The following RNF43 variants were observed in gnomAD, a reference collection of about 807,000 sequenced individuals.
RNF43 encodes the protein ring finger protein 43.
A neutral mutation model predicts 78.4 loss-of-function variants in RNF43; 37 were observed. The observed-to-expected ratio is 0.47, with a 90% CI of 0.36 to 0.62. The LOEUF (loss-of-function observed/expected upper bound fraction) is 0.62, where lower values mean the gene tolerates loss of function less well. Among genes scored for constraint, RNF43 ranks in the 20% least tolerant of loss-of-function variants. The pLI is 0.00. For synonymous variants in RNF43, 347 were observed against 395.0 expected (o/e 0.88, Z 1.44); for missense variants, 774 against 1,007.9 (o/e 0.77, Z 3.14).
At chr17:58,390,911 C>T (rs1973541446) in intron 2 of RNF43, among the ~76,000 whole-genome samples, 1 of 152,210 alleles carries the variant, frequency 6.6e-6, no homozygotes, top group Admixed American at 6.5e-5. Flanking sequence ...TGTTCTTTCT[C>T]ATTGTAAACT....
intron 2 of RNF43, among the ~76,000 whole-genome samples, chr17:58,373,377 A>G (rs1390170684): frequency 6.6e-6 from 1 of 152,212 alleles, no homozygotes; most frequent in Non-Finnish European, 1.5e-5. Flanking sequence ...ACCTGGTATG[A>G]GCCACCAAAC....
At chr17:58,363,119 A>T (rs1289708223) in intron 5 of RNF43, 156 bp downstream of exon 5, 1 of 888,806 alleles carries the variant, frequency 1.1e-6, no homozygotes, top group Non-Finnish European at 1.7e-6. Flanking sequence ...GACGGGGGAA[A>T]ACTTGCCCAG....
Position 58,357,581 on chromosome 17 carries a change from CGAG to C in RNF43, c.2192_2194del (p.Pro731del). ...AGGTGGATGTGGTTCCAGGGGCTGG[CGAG>C]GAGTCAGGCACAACCACACTGGCTG... On this transcript the variant is annotated inframe_deletion, in exon 9 of 10. Transcript: ENST00000407977. This position sits in a 1 kb window ranked among gnomAD's most constrained non-coding sequence, Gnocchi z 4.5. 6.2e-7 allele frequency: 1 copy of C among 1,614,190 alleles called. No individual in the cohort carries two copies. The highest frequency in any genetic ancestry group is 8.5e-7 in the Non-Finnish European group (1 of 1,180,024).
At chr17:58,370,771 G>T in intron 3 of RNF43, 140 bp downstream of exon 3, 1 of 972,840 alleles carries the variant, frequency 1.0e-6, no homozygotes, top group Non-Finnish European at 1.4e-6. Context: ...ACTTCTCTCA[G>T]ACCAGTCATG....
chr17:58,392,937 T>G (rs2143609753), intron 2 of RNF43, among the ~76,000 whole-genome samples: 1 of 152,334 alleles, frequency 6.6e-6, no homozygotes, highest in Middle Eastern at 3.4e-3. Context: ...GGAGATACAT[T>G]TGACATTACA....
intron 2 of RNF43, among the ~76,000 whole-genome samples, chr17:58,392,607 T>C (rs1293698739): frequency 6.6e-6 from 1 of 152,182 alleles, no homozygotes; most frequent in Non-Finnish European, 1.5e-5. Context: ...GTCTTCAAAA[T>C]CTAGACAGGG....
At chr17:58,368,074 C>A (rs1167816731) in intron 3 of RNF43, among the ~76,000 whole-genome samples, 1 of 152,202 alleles carries the variant, frequency 6.6e-6, no homozygotes, top group Non-Finnish European at 1.5e-5. Flanking sequence ...AGGAGTCAGG[C>A]TGCAAGCCCA....
intron 2 of RNF43, among the ~76,000 whole-genome samples, chr17:58,401,756 C>T (rs1973804332): frequency 1.3e-5 from 2 of 151,780 alleles, no homozygotes; most frequent in Non-Finnish European, 1.5e-5. Context: ...AATTCAATTC[C>T]CTATTCCCCT....
chr17:58,411,524 A>G (rs145189493), intron 2 of RNF43, among the ~76,000 whole-genome samples: 13 of 152,226 alleles, frequency 8.5e-5, no homozygotes, highest in African/African-American at 3.1e-4. Context: ...GGAGGTGCTC[A>G]CTGCTACTGG....
In RNF43 at chr17:58,363,346, T is replaced by C. The variant is rs754183734; in HGVS notation, c.511A>G (p.Lys171Glu). ...TTCTTGTACACAAACTCCATCAGCT[T>C]CTCAGCGTCATTACCCCAGATCAAC... Reference protein sequence around the residue: ...VVLIWGNDAEKLMEFVYKNQK... With the variant: ...VVLIWGNDAEELMEFVYKNQK... The change falls in exon 5 of 10, where the codon AAG becomes GAG. Residue 171 changes from lysine (K) to glutamate (E), a missense_variant. Coordinates refer to ENST00000407977, the MANE Select transcript of RNF43 (RefSeq NM_017763.6). 6.2e-7 allele frequency: 1 copy of C among 1,613,594 alleles called. No individual in the cohort carries two copies. Among genetic ancestry groups the C allele is most frequent in the Non-Finnish European group, 8.5e-7 (1 of 1,179,856 alleles).
At chr17:58,361,215 G>C (rs2143450889) in intron 6 of RNF43, among the ~76,000 whole-genome samples, 1 of 152,240 alleles carries the variant, frequency 6.6e-6, no homozygotes, top group Middle Eastern at 3.4e-3. Context: ...TTTCAACTTG[G>C]ATATCTAATA....
intron 2 of RNF43, among the ~76,000 whole-genome samples, chr17:58,372,703 G>A (rs1973125135): frequency 6.6e-6 from 1 of 152,176 alleles, no homozygotes; most frequent in African/African-American, 2.4e-5. Flanking sequence ...GCCTATGGGA[G>A]GGCACAAAGA....
chr17:58,396,442 G>T (rs1479183934), intron 2 of RNF43, among the ~76,000 whole-genome samples: 2 of 152,218 alleles, frequency 1.3e-5, no homozygotes, highest in Admixed American at 6.5e-5. Flanking sequence ...CAGAGGGAAA[G>T]AAGTCAGTCT....
rs992893180 is a variant in RNF43, at chr17:58,415,311, TAA to T, written c.252+13_252+14del. On this transcript the variant is annotated intron_variant, in intron 2 of 9. Coordinates refer to ENST00000407977, the MANE Select transcript of RNF43 (RefSeq NM_017763.6). ...CAAACAGATGGAAAGTGAAATATAA[TAA>T]AGTTATACTTGCCTGCATTAATTTT... 10 of 1,613,692 alleles carry T rather than the reference TAA, an allele frequency of 6.2e-6. No individual in the cohort carries two copies. The African/African-American group carries it at 1.3e-4, about 22-fold the overall frequency.
chr17:58,355,030 G>A, intron 9 of RNF43, 44 bp from the exon 10 acceptor site: 1 of 1,551,910 alleles, frequency 6.4e-7, no homozygotes, highest in Non-Finnish European at 8.9e-7. Context: ...TGAGGGTCAG[G>A]CCAGGGACCT....
chr17:58,374,954 A>G (rs543598230), intron 2 of RNF43, among the ~76,000 whole-genome samples: 1 of 152,196 alleles, frequency 6.6e-6, no homozygotes, highest in South Asian at 2.1e-4. Context: ...TCATCCATCT[A>G]TTACCCAAGC....
rs2143397712 is a variant in RNF43, at chr17:58,357,914, T to A, written c.1862A>T (p.Glu621Val). Residue 621 changes from glutamate to valine, a missense_variant, in exon 9 of 10, where the codon GAG becomes GTG. Glu to Val is a moderately radical substitution (Grantham distance 121). Coordinates refer to ENST00000407977, the MANE Select transcript of RNF43 (RefSeq NM_017763.6). This position sits in a 1 kb window ranked among gnomAD's most constrained non-coding sequence, Gnocchi z 4.5. Reference protein sequence around the residue: ...SNPQCPRALPEPAPGPVDASS... With the variant: ...SNPQCPRALPVPAPGPVDASS... Reference sequence around the variant, plus strand: ...GGCGTCAACTGGGCCAGGGGCTGGCTCAGGGAGGGCCCTGGGGCACTGTGG... The same window carrying A: ...GGCGTCAACTGGGCCAGGGGCTGGCACAGGGAGGGCCCTGGGGCACTGTGG... The A allele has an allele frequency of 6.8e-6, 11 of 1,613,612 alleles. No homozygotes were observed. The highest frequency in any genetic ancestry group is 9.3e-6 in the Non-Finnish European group (11 of 1,179,802).
intron 2 of RNF43, among the ~76,000 whole-genome samples, chr17:58,383,390 A>G (rs1485022516): frequency 6.6e-6 from 1 of 152,060 alleles, no homozygotes; most frequent in Non-Finnish European, 1.5e-5. Context: ...CCCAGGCCCA[A>G]ACCTGGGAGG....
rs1974142749 is a variant in RNF43, at chr17:58,417,107, C to T, written c.-476G>A. ...TCCTGCTCAAAAAAGGTTTCAACTG[C>T]TTAACCAAGTACAGCTCATTCTTCC... On this transcript the variant is annotated 5_prime_UTR_variant, in exon 1 of 10. Transcript: ENST00000407977. 1 of 152,192 alleles carries T rather than the reference C, an allele frequency of 6.6e-6. No individual in the cohort carries two copies. The highest frequency in any genetic ancestry group is 2.1e-4 in the South Asian group (1 of 4,830). 9.4% of individuals were successfully genotyped at this position (152,192 alleles called of 1,614,324 possible). A position where few individuals can be genotyped will look rare whatever the true frequency, so the allele number is the denominator to read the frequency against.
Sources: gnomAD v4.1 joint callset for allele counts (sites outside exome capture counted in the v4.1 genomes callset) on GRCh38, gnomAD v4.1.1 for gene constraint, Gnocchi (gnomAD v3.1) non-coding constraint, MANE v1.5 for transcripts, NCBI Gene and HGNC (gene_info 2026-07-23, HGNC 2026-07-21) for gene names.